Variants in CTNNA3 observed in about 807,000 individuals in gnomAD.
CTNNA3 encodes the protein catenin alpha 3.
In CTNNA3, 76 loss-of-function variants were observed where a neutral mutation model predicts 95.7. The ratio of observed to expected loss-of-function variants is 0.79; its 90% CI spans 0.66 to 0.96. The LOEUF is 0.96. Ranked by LOEUF, CTNNA3 falls within the 40% of genes least tolerant of loss-of-function variation. The pLI is 0.00. For synonymous variants in CTNNA3, 431 were observed against 374.4 expected, an observed-to-expected ratio of 1.15 and a Z score of -1.74; for missense variants, 1,191 against 1,089.8, an observed-to-expected ratio of 1.09 and a Z score of -1.31.
At chr10:67,541,187 G>A (rs377360443) in intron 3 of CTNNA3, among the ~76,000 whole-genome samples, 1 of 151,728 alleles carries the variant, frequency 6.6e-6, no homozygotes, top group South Asian at 2.1e-4. Context: ...TAGAATTCCT[G>A]AGTCAAGGGG....
chr10:67,739,761 C>A (rs1004884821), intron 1 of CTNNA3, among the ~76,000 whole-genome samples: 1 of 152,112 alleles, frequency 6.6e-6, no homozygotes, highest in African/African-American at 2.4e-5. Context: ...CAATGCCATC[C>A]CCATCAAGCT....
intron 10 of CTNNA3, among the ~76,000 whole-genome samples, chr10:66,548,634 A>G (rs1394206006): frequency 6.6e-6 from 1 of 152,110 alleles, no homozygotes; most frequent in Non-Finnish European, 1.5e-5. Context: ...TGATTTTGTC[A>G]GATATTTTTC....
rs183493805 is a variant in CTNNA3 at position 67,504,703 on chromosome 10, T to C, written c.579+17139A>G. ...CCCTGGATAAACATCCGATCATTTT[T>C]TTATGGATCCAATTCTAGCCCACTA... is the stretch of plus-strand genomic sequence containing the variant. On this transcript the variant is annotated intron_variant, in intron 5 of 17. Coordinates refer to ENST00000433211, the MANE Select transcript of CTNNA3 (RefSeq NM_013266.4). Among the ~76,000 whole-genome samples, 319 of 152,266 alleles carry C rather than the reference T, an allele frequency of 2.1e-3. 2 individuals carry two copies. Among genetic ancestry groups the C allele is most frequent in the African/African-American group, 7.4e-3 (307 of 41,538 alleles).
intron 7 of CTNNA3, among the ~76,000 whole-genome samples, chr10:66,806,105 CAAAT>C (rs1841628842): frequency 6.6e-6 from 1 of 151,772 alleles, no homozygotes; most frequent in Non-Finnish European, 1.5e-5. Context: ...GATGAACTAT[CAAAT>C]AAATAGCTAT....
At chr10:67,164,588 G>A (rs1433089076) in intron 7 of CTNNA3, among the ~76,000 whole-genome samples, 3 of 152,008 alleles carry the variant, frequency 2.0e-5, no homozygotes, top group African/African-American at 7.2e-5. Context: ...AATAGATAAA[G>A]CTTACTTCAT....
intron 5 of CTNNA3, among the ~76,000 whole-genome samples, chr10:67,506,388 C>T (rs558938080): frequency 1.3e-5 from 2 of 152,128 alleles, no homozygotes; most frequent in African/African-American, 4.8e-5. Context: ...TCCTAAATAG[C>T]AAACATGAAA....
chr10:66,533,619 G>A (rs564417854), intron 10 of CTNNA3, among the ~76,000 whole-genome samples: 16 of 152,120 alleles, frequency 1.1e-4, no homozygotes, highest in Admixed American at 2.0e-4. Flanking sequence ...CCCAGGGTAC[G>A]TGGAAAGTGC....
At chr10:67,410,391 T>C (rs1845318399) in intron 5 of CTNNA3, among the ~76,000 whole-genome samples, 1 of 151,958 alleles carries the variant, frequency 6.6e-6, no homozygotes, top group Non-Finnish European at 1.5e-5. Flanking sequence ...TGAGGAAGAA[T>C]AGCTAGTGGA....
chr10:66,558,045 T>A (rs770413166), intron 10 of CTNNA3, among the ~76,000 whole-genome samples: 1 of 152,032 alleles, frequency 6.6e-6, no homozygotes. Flanking sequence ...GAAAATGACA[T>A]GGTCAGTGAT....
chr10:67,529,057 T>C (rs1840236088), intron 4 of CTNNA3, among the ~76,000 whole-genome samples: 2 of 152,178 alleles, frequency 1.3e-5, no homozygotes, highest in African/African-American at 4.8e-5. Flanking sequence ...TAAAAGGTAA[T>C]GCATATATAT....
intron 7 of CTNNA3, among the ~76,000 whole-genome samples, chr10:67,047,638 G>C (rs1018991072): frequency 1.3e-5 from 2 of 151,930 alleles, no homozygotes; most frequent in Non-Finnish European, 2.9e-5. Flanking sequence ...TCAGCAAGTT[G>C]CTACTATATA....
chr10:66,203,104 T>C (rs759333529), intron 13 of CTNNA3, among the ~76,000 whole-genome samples: 1 of 152,188 alleles, frequency 6.6e-6, no homozygotes, highest in Non-Finnish European at 1.5e-5. Flanking sequence ...GGATCAACCA[T>C]ATAGATCTAT....
chr10:66,238,564 T>C (rs1055660548), intron 13 of CTNNA3, among the ~76,000 whole-genome samples: 19 of 151,948 alleles, frequency 1.3e-4, no homozygotes, highest in African/African-American at 4.6e-4. Context: ...TAGCATGCGA[T>C]GACTAACTTA....
At chr10:66,536,051 T>C (rs954361451) in intron 10 of CTNNA3, among the ~76,000 whole-genome samples, 1 of 151,432 alleles carries the variant, frequency 6.6e-6, no homozygotes, top group Non-Finnish European at 1.5e-5. Flanking sequence ...GGAAGAAAAA[T>C]AGATTTTTAG....
rs73322117 is a variant in CTNNA3 at position 66,714,154 on chromosome 10, A to C, written c.1281+52110T>G. 6.9e-3 allele frequency among the ~76,000 whole-genome samples: 1,054 copies of C among 152,218 alleles called. 11 individuals are homozygous for C. Among genetic ancestry groups the C allele is most frequent in the African/African-American group, 0.024 (999 of 41,534 alleles). ...ACTGTTATTGATAAATAACATTAGCATATTAACTATATTTACCTCAAACTT... is the reference window on the plus strand; with the variant it reads ...ACTGTTATTGATAAATAACATTAGCCTATTAACTATATTTACCTCAAACTT... On this transcript the variant is annotated intron_variant, in intron 9 of 17. Transcript: ENST00000433211.
chr10:67,469,785 T>C (rs939335256), intron 5 of CTNNA3, among the ~76,000 whole-genome samples: 1 of 152,110 alleles, frequency 6.6e-6, no homozygotes, highest in Non-Finnish European at 1.5e-5. Flanking sequence ...AAAAGTGATG[T>C]TCTTTAATTT....
At chr10:66,632,455 C>A (rs977248444) in intron 9 of CTNNA3, among the ~76,000 whole-genome samples, 1 of 148,646 alleles carries the variant, frequency 6.7e-6, no homozygotes, top group African/African-American at 2.5e-5. Flanking sequence ...CTTGGGAGGC[C>A]GAGGCAGGAG....
At chr10:66,412,738 C>G (rs998661315) in intron 11 of CTNNA3, among the ~76,000 whole-genome samples, 13 of 151,916 alleles carry the variant, frequency 8.6e-5, no homozygotes, top group Non-Finnish European at 1.6e-4. Context: ...GGATTACAGG[C>G]ATTAGTCACC....
chr10:66,949,713 T>C (rs1304819707), intron 7 of CTNNA3, among the ~76,000 whole-genome samples: 3 of 152,160 alleles, frequency 2.0e-5, no homozygotes, highest in Non-Finnish European at 4.4e-5. Context: ...TTAAAGTCCA[T>C]TTTCTTATGC....
Sources: gnomAD v4.1 joint callset for allele counts (sites outside exome capture counted in the v4.1 genomes callset) on GRCh38, gnomAD v4.1.1 for gene constraint, MANE v1.5 for transcripts, NCBI Gene and HGNC (gene_info 2026-07-23, HGNC 2026-07-21) for gene names.